PGAP1: variants seen among roughly 807,000 people sequenced by gnomAD.
The protein encoded by PGAP1 is GPI inositol-deacylase.
A neutral mutation model predicts 127.0 loss-of-function variants in PGAP1; 76 were observed. The observed-to-expected ratio is 0.60, with a 90% confidence interval of 0.50 to 0.72. The LOEUF (loss-of-function observed/expected upper bound fraction) is 0.72. Ranked by LOEUF, PGAP1 falls within the 30% of genes least tolerant of loss-of-function variation. PGAP1 has a pLI of 0.00. For synonymous variants in PGAP1, 362 were observed against 366.5 expected (o/e 0.99, Z 0.14); for missense variants, 982 against 1,071.3 (o/e 0.92, Z 1.16).
chr2:196,920,126 C>T lies in PGAP1; in HGVS notation c.172G>A (p.Ala58Thr), dbSNP rs1207400151. The change falls in exon 2 of 27, where the codon GCA becomes ACA. Residue 58 changes from alanine to threonine, a missense_variant. Physicochemically the swap from Ala to Thr is moderately conservative, Grantham distance 58. Transcript: ENST00000354764. The stretch of plus-strand genomic sequence containing the variant: ...AACTCATATGCGGGATAGCGTTTTG[C>T]CAGTTTCTTTGGAAGTTCTATTTTC... ...YQKIELPKKL[A>T]KRYPAYELYL... 2 of 1,605,256 alleles carry T rather than the reference C, an allele frequency of 1.2e-6. No individual in the cohort carries two copies. The highest frequency in any genetic ancestry group is 1.1e-5 in the South Asian group (1 of 88,266).
rs548467914 is a variant in PGAP1, at chr2:196,891,192, T to C, written c.1090-281A>G. ...TTTTGCTCTTCTAGTTAAGATTTTATGCAGTTCTTAGCTCTGGCCATTGAA... is the reference window on the plus strand; with the variant it reads ...TTTTGCTCTTCTAGTTAAGATTTTACGCAGTTCTTAGCTCTGGCCATTGAA... On this transcript the variant is annotated intron_variant, in intron 9 of 26. Transcript: ENST00000354764. Among the ~76,000 whole-genome samples the C allele has an allele frequency of 3.6e-4, 55 of 152,300 alleles. 1 individual carries two copies. The South Asian group carries it at 6.6e-3, about 18-fold the overall frequency.
At chr2:196,918,813 T>C (rs1286989369) in intron 2 of PGAP1, among the ~76,000 whole-genome samples, 1 of 152,198 alleles carries the variant, frequency 6.6e-6, no homozygotes, top group Non-Finnish European at 1.5e-5. Context: ...GTTCACTTTA[T>C]AATAATTTGT....
intron 19 of PGAP1, among the ~76,000 whole-genome samples, chr2:196,870,665 A>C (rs978794834): frequency 6.6e-6 from 1 of 152,192 alleles, no homozygotes; most frequent in Non-Finnish European, 1.5e-5. Flanking sequence ...TTTTGGATGT[A>C]TCAAACATGA....
intron 21 of PGAP1, 158 bp downstream of exon 21, chr2:196,847,789 T>C: frequency 2.0e-6 from 1 of 489,876 alleles, no homozygotes; most frequent in Non-Finnish European, 3.6e-6. Context: ...GACATTGATA[T>C]ACTTATTAGA....
At chr2:196,866,723 A>G (rs1171471626) in intron 19 of PGAP1, among the ~76,000 whole-genome samples, 2 of 152,120 alleles carry the variant, frequency 1.3e-5, no homozygotes, top group African/African-American at 4.8e-5. Flanking sequence ...ATCTATTCAT[A>G]TGACAAAGGG....
At position 196,855,871 on chromosome 2, in the gene PGAP1, A is replaced by AT. The variant is rs1700867455; in HGVS notation, c.1862-7835dup. Among the ~76,000 whole-genome samples, 6 of 152,206 alleles carry AT rather than the reference A, an allele frequency of 3.9e-5. 2 individuals are homozygous for AT. In the South Asian group the frequency reaches 1.2e-3, roughly 31 times the overall value. ...TTACCACGGCTTTATCAAAAATGTT[A>AT]TATTTGAGAAGATGCACAGAATATC... On this transcript the variant is annotated intron_variant, in intron 20 of 26. Coordinates refer to ENST00000354764, the MANE Select transcript of PGAP1 (RefSeq NM_024989.4).
chr2:196,898,054 C>T (rs951792189), intron 6 of PGAP1, among the ~76,000 whole-genome samples: 5 of 152,182 alleles, frequency 3.3e-5, no homozygotes, highest in African/African-American at 1.2e-4. Flanking sequence ...CTCATCCCTA[C>T]TAAAACTACA....
At chr2:196,926,362 G>A (rs1703360105) in intron 1 of PGAP1, 108 bp downstream of exon 1, 17 of 1,536,962 alleles carry the variant, frequency 1.1e-5, no homozygotes, top group South Asian at 3.7e-5. Context: ...GACGGGACAG[G>A]GGGCCCGAGA....
chr2:196,900,489 C>T (rs1702449630), intron 5 of PGAP1, among the ~76,000 whole-genome samples: 1 of 152,172 alleles, frequency 6.6e-6, no homozygotes, highest in Non-Finnish European at 1.5e-5. Context: ...AGGGAATATA[C>T]ATGTAGCTAT....
intron 12 of PGAP1, among the ~76,000 whole-genome samples, chr2:196,882,565 T>C (rs1030053637): frequency 1.3e-5 from 2 of 152,198 alleles, no homozygotes; most frequent in Admixed American, 1.3e-4. Context: ...AGAACTTTTA[T>C]CTCTCTGATC....
At chr2:196,923,015 C>T (rs1218329051) in intron 1 of PGAP1, among the ~76,000 whole-genome samples, 1 of 151,920 alleles carries the variant, frequency 6.6e-6, no homozygotes, top group Non-Finnish European at 1.5e-5. Context: ...ATAACTTACA[C>T]ATGACATGCT....
At chr2:196,893,613 C>A (rs1338871366) in intron 7 of PGAP1, among the ~76,000 whole-genome samples, 1 of 152,088 alleles carries the variant, frequency 6.6e-6, no homozygotes, top group Non-Finnish European at 1.5e-5. Context: ...ATGTATAGAA[C>A]CAGAAGAGAA....
Position 196,912,978 on chromosome 2 carries a change from T to C in PGAP1, c.553A>G (p.Thr185Ala). ...MGGLVARALL[T>A]LKNFKHDLIN... The stretch of plus-strand genomic sequence containing the variant: ...AGATCATGCTTAAAATTTTTCAGTG[T>C]AAGCAATGCTCTTGCAACAAGGCCA... The change falls in exon 4 of 27, where the codon ACA becomes GCA. Residue 185 changes from threonine to alanine, a missense_variant. By Grantham distance (58) the Thr-to-Ala change is moderately conservative (BLOSUM62 0). Transcript: ENST00000354764. 2.5e-6 allele frequency: 4 copies of C among 1,613,950 alleles called. No homozygotes were observed. Among genetic ancestry groups the C allele is most frequent in the Non-Finnish European group, 3.4e-6 (4 of 1,179,918 alleles).
chr2:196,883,435 T>A (rs1701795283), intron 12 of PGAP1, among the ~76,000 whole-genome samples: 1 of 152,206 alleles, frequency 6.6e-6, no homozygotes, highest in African/African-American at 2.4e-5. Context: ...GACAGACTCA[T>A]ATGTTCTAAT....
At chr2:196,882,830 T>C (rs1429868354) in intron 12 of PGAP1, among the ~76,000 whole-genome samples, 1 of 152,204 alleles carries the variant, frequency 6.6e-6, no homozygotes, top group Non-Finnish European at 1.5e-5. Flanking sequence ...TCTTCCTATT[T>C]GGATGCCCCT....
intron 2 of PGAP1, among the ~76,000 whole-genome samples, chr2:196,918,347 C>A (rs1483063719): frequency 6.6e-6 from 1 of 152,118 alleles, no homozygotes; most frequent in Non-Finnish European, 1.5e-5. Context: ...GGGTATCTAG[C>A]TTACAGAAGC....
rs550745285 is a variant in PGAP1 at position 196,896,978 on chromosome 2, A to G, written c.927+153T>C. Among the ~76,000 whole-genome samples the G allele has an allele frequency of 6.6e-5, 10 of 152,288 alleles. No individual in the cohort carries two copies. The South Asian group carries it at 1.4e-3, about 22-fold the overall frequency. ...AGTCAAAGTATTATGAGAAAAAAAG[A>G]TATTTCCATTTTGGAACTAATTAAA... On this transcript the variant is annotated intron_variant, in intron 7 of 26. Coordinates refer to ENST00000354764, the MANE Select transcript of PGAP1 (RefSeq NM_024989.4).
chr2:196,900,680 C>A (rs1038560235), intron 5 of PGAP1, among the ~76,000 whole-genome samples: 1 of 152,186 alleles, frequency 6.6e-6, no homozygotes, highest in Non-Finnish European at 1.5e-5. Flanking sequence ...AATCCCAGCA[C>A]TTTGGGAGGC....
chr2:196,842,131 C>T (rs1275111208), intron 26 of PGAP1, among the ~76,000 whole-genome samples: 2 of 150,118 alleles, frequency 1.3e-5, no homozygotes, highest in South Asian at 2.1e-4. Flanking sequence ...TCAGAAAAGA[C>T]AATTACCTTT....
Sources: gnomAD v4.1 joint callset for allele counts (sites outside exome capture counted in the v4.1 genomes callset) on GRCh38, gnomAD v4.1.1 for gene constraint, MANE v1.5 for transcripts, NCBI Gene and HGNC (gene_info 2026-07-23, HGNC 2026-07-21) for gene names.